OR7C2: variants seen among roughly 807,000 people sequenced by gnomAD.
OR7C2 encodes the protein olfactory receptor 7C2.
For synonymous variants in OR7C2, 160 were observed against 157.7 expected (o/e 1.01, Z -0.11); for missense variants, 374 against 387.4 (o/e 0.97, Z 0.29).
Position 14,941,713 on chromosome 19 carries a change from C to T in OR7C2, c.225C>T (p.Ser75=), listed in dbSNP as rs769126789. The change falls in exon 1 of 1, where the codon TCC becomes TCT. Residue 75 remains serine, a synonymous_variant. Transcript: ENST00000248072. ...NLSFADICFT[S]TTVPKMLVNI... ...CCTTTGCTGACATCTGTTTCACATC[C>T]ACGACTGTCCCAAAGATGCTGGTGA... The T allele has an allele frequency of 6.2e-7, 1 of 1,614,182 alleles. No homozygotes were observed. Among genetic ancestry groups the T allele is most frequent in the African/African-American group, 1.3e-5 (1 of 75,028 alleles).
At position 14,941,492 on chromosome 19, in the gene OR7C2, G is replaced by A; in HGVS notation, c.4G>A (p.Glu2Lys). ...TCTCGGCAAACCCAGCGGCCCCATG[G>A]AAAGAGGAAACCAAACAGAAGTTGG... M[E>K]RGNQTEVGNF... is the part of the protein sequence containing the mutation. Residue 2 changes from glutamate (E) to lysine (K), a missense_variant, in exon 1 of 1, where the codon GAA becomes AAA. By Grantham distance (56) the Glu-to-Lys change is moderately conservative. Transcript: ENST00000248072. The A allele has an allele frequency of 6.4e-7, 1 of 1,554,868 alleles. No individual in the cohort carries two copies. Among genetic ancestry groups the A allele is most frequent in the Non-Finnish European group, 8.7e-7 (1 of 1,150,760 alleles).
At position 14,942,368 on chromosome 19, in the gene OR7C2, A is replaced by C; in HGVS notation, c.880A>C (p.Lys294Gln). 6.2e-7 allele frequency: 1 copy of C among 1,614,130 alleles called. No individual in the cohort carries two copies. The highest frequency in any genetic ancestry group is 1.1e-5 in the South Asian group (1 of 91,074). The change falls in exon 1 of 1, where the codon AAG becomes CAG. Residue 294 changes from lysine to glutamine, a missense_variant. Lys to Gln is a moderately conservative substitution (Grantham distance 53, BLOSUM62 1). Transcript: ENST00000248072. ...LNPFIYSLRN[K>Q]DMKGSLGRLL... ...CCCCTTCATCTACAGCCTGAGGAAC[A>C]AGGACATGAAGGGGTCACTGGGGAG...
At position 14,941,960 on chromosome 19, in the gene OR7C2, C is replaced by T; in HGVS notation, c.472C>T (p.Leu158Phe). Residue 158 changes from leucine (L) to phenylalanine (F), a missense_variant, in exon 1 of 1, where the codon CTT (leucine) becomes TTT (phenylalanine). Leu to Phe is a conservative substitution (Grantham distance 22). Coordinates refer to ENST00000248072, the MANE Select transcript of OR7C2 (RefSeq NM_012377.1). ...GTGCATCAGTGTCATGGGTTCCTTG[C>T]TTGAGACCTTGACCATTTTGAGGCT... ...SWCISVMGSL[L>F]ETLTILRLSF... The T allele has an allele frequency of 3.1e-6, 5 of 1,614,110 alleles. No individual in the cohort carries two copies. The highest frequency in any genetic ancestry group is 4.2e-6 in the Non-Finnish European group (5 of 1,180,032).
chr19:14,942,101 G>T lies in OR7C2; in HGVS notation c.613G>T (p.Val205Phe). The T allele has an allele frequency of 6.2e-7, 1 of 1,614,054 alleles. No homozygotes were observed. The highest frequency in any genetic ancestry group is 8.5e-7 in the Non-Finnish European group (1 of 1,180,028). ...NNIVMYFVTIVLGVFPLCGIL... is the reference protein window; with the variant it reads ...NNIVMYFVTIFLGVFPLCGIL... ...CATCGTGATGTATTTTGTGACCATT[G>T]TCCTGGGTGTTTTTCCTCTCTGTGG... The change falls in exon 1 of 1, where the codon GTC (valine) becomes TTC (phenylalanine). Residue 205 changes from valine (V) to phenylalanine (F), a missense_variant. Coordinates refer to ENST00000248072, the MANE Select transcript of OR7C2 (RefSeq NM_012377.1).
chr19:14,941,952 G>C lies in OR7C2; in HGVS notation c.464G>C (p.Gly155Ala). 6.2e-7 allele frequency: 1 copy of C among 1,614,116 alleles called. No homozygotes were observed. Among genetic ancestry groups the C allele is most frequent in the Non-Finnish European group, 8.5e-7 (1 of 1,180,032 alleles). ...VLGSWCISVM[G>A]SLLETLTILR... ...GGGTCCTGGTGCATCAGTGTCATGG[G>C]TTCCTTGCTTGAGACCTTGACCATT... The change falls in exon 1 of 1, where the codon GGT (glycine) becomes GCT (alanine). Residue 155 changes from glycine to alanine, a missense_variant. Coordinates refer to ENST00000248072, the MANE Select transcript of OR7C2 (RefSeq NM_012377.1).
Position 14,941,890 on chromosome 19 carries a change from C to G in OR7C2, c.402C>G (p.Val134=). 6.2e-7 allele frequency: 1 copy of G among 1,614,172 alleles called. No homozygotes were observed. Among genetic ancestry groups the G allele is most frequent in the Non-Finnish European group, 8.5e-7 (1 of 1,180,040 alleles). Residue 134 remains valine, a synonymous_variant, in exon 1 of 1, where the codon GTC becomes GTG. Transcript: ENST00000248072. ...VAICYPLHYT[V]IMNPRLCGLL... is the part of the protein sequence containing the mutation. The stretch of plus-strand genomic sequence containing the variant: ...TCTGTTACCCCCTGCACTACACGGT[C>G]ATCATGAACCCCCGGCTCTGTGGAC...
chr19:14,942,197 T>C lies in OR7C2; in HGVS notation c.709T>C (p.Phe237Leu), dbSNP rs751924829. 6 of 1,613,246 alleles carry C rather than the reference T, an allele frequency of 3.7e-6. No individual in the cohort carries two copies. The highest frequency in any genetic ancestry group is 4.2e-6 in the Non-Finnish European group (5 of 1,179,760). The change falls in exon 1 of 1, where the codon TTT (phenylalanine) becomes CTT (leucine). Residue 237 changes from phenylalanine (F) to leucine (L), a missense_variant. Phe to Leu is a conservative substitution (Grantham distance 22). Coordinates refer to ENST00000248072, the MANE Select transcript of OR7C2 (RefSeq NM_012377.1). ...ATCTGCCAGAGGCCAGCACAAAGCCTTTTCCACCTGTGGTTCCCACCTCTC... is the reference window on the plus strand; with the variant it reads ...ATCTGCCAGAGGCCAGCACAAAGCCCTTTCCACCTGTGGTTCCCACCTCTC... ...RVSARGQHKA[F>L]STCGSHLSVV...
chr19:14,942,368 A>G lies in OR7C2; in HGVS notation c.880A>G (p.Lys294Glu). The G allele has an allele frequency of 3.1e-6, 5 of 1,614,130 alleles. No homozygotes were observed. Among genetic ancestry groups the G allele is most frequent in the Non-Finnish European group, 4.2e-6 (5 of 1,180,010 alleles). The change falls in exon 1 of 1, where the codon AAG (lysine) becomes GAG (glutamate). Residue 294 changes from lysine to glutamate, a missense_variant. By Grantham distance (56) the Lys-to-Glu change is moderately conservative. Transcript: ENST00000248072. ...CCCCTTCATCTACAGCCTGAGGAACAAGGACATGAAGGGGTCACTGGGGAG... is the reference window on the plus strand; with the variant it reads ...CCCCTTCATCTACAGCCTGAGGAACGAGGACATGAAGGGGTCACTGGGGAG... Reference protein sequence around the residue: ...LNPFIYSLRNKDMKGSLGRLL... With the variant: ...LNPFIYSLRNEDMKGSLGRLL...
At position 14,941,937 on chromosome 19, in the gene OR7C2, G is replaced by A. The variant is rs762609691; in HGVS notation, c.449G>A (p.Cys150Tyr). The A allele has an allele frequency of 1.2e-6, 2 of 1,614,086 alleles. No homozygotes were observed. The highest frequency in any genetic ancestry group is 2.2e-5 in the South Asian group (2 of 91,066). The change falls in exon 1 of 1, where the codon TGC becomes TAC. Residue 150 changes from cysteine (C) to tyrosine (Y), a missense_variant. Cys to Tyr is a radical substitution (Grantham distance 194). Coordinates refer to ENST00000248072, the MANE Select transcript of OR7C2 (RefSeq NM_012377.1). ...GGACTGCTGGTTCTGGGGTCCTGGTGCATCAGTGTCATGGGTTCCTTGCTT... is the reference window on the plus strand; with the variant it reads ...GGACTGCTGGTTCTGGGGTCCTGGTACATCAGTGTCATGGGTTCCTTGCTT... ...LCGLLVLGSWCISVMGSLLET... is the reference protein window; with the variant it reads ...LCGLLVLGSWYISVMGSLLET...
chr19:14,941,652 T>A lies in OR7C2; in HGVS notation c.164T>A (p.Leu55His). The A allele has an allele frequency of 6.2e-7, 1 of 1,614,092 alleles. No homozygotes were observed. The highest frequency in any genetic ancestry group is 8.5e-7 in the Non-Finnish European group (1 of 1,180,008). ...CTGACCATCAGTTCAGACTCCCACC[T>A]CCACACCCCCATGTACTTCTTCCTC... ...IILTISSDSH[L>H]HTPMYFFLSN... is the part of the protein sequence containing the mutation. The change falls in exon 1 of 1, where the codon CTC (leucine) becomes CAC (histidine). Residue 55 changes from leucine (L) to histidine (H), a missense_variant. Transcript: ENST00000248072.
At position 14,941,607 on chromosome 19, in the gene OR7C2, T is replaced by C. The variant is rs1476982778; in HGVS notation, c.119T>C (p.Ile40Thr). 1.9e-6 allele frequency: 3 copies of C among 1,614,136 alleles called. No individual in the cohort carries two copies. Among genetic ancestry groups the C allele is most frequent in the South Asian group, 2.2e-5 (2 of 91,082 alleles). The change falls in exon 1 of 1, where the codon ATC becomes ACC. Residue 40 changes from isoleucine (I) to threonine (T), a missense_variant. Physicochemically the swap from Ile to Thr is moderately conservative, Grantham distance 89 (BLOSUM62 -1). Transcript: ENST00000248072. ...LFLSMYLVTI[I>T]GNLLIILTIS... ...CTCTCCATGTACCTGGTTACCATCA[T>C]CGGAAACCTGCTCATCATCCTGACC...
In OR7C2 at chr19:14,942,200, TCCA is replaced by T. The variant is rs769240522; in HGVS notation, c.715_717del (p.Thr239del). On this transcript the variant is annotated inframe_deletion, in exon 1 of 1. Transcript: ENST00000248072. ...TGCCAGAGGCCAGCACAAAGCCTTT[TCCA>T]CCTGTGGTTCCCACCTCTCAGTGGT... 6.2e-7 allele frequency: 1 copy of T among 1,614,122 alleles called. No individual in the cohort carries two copies. The highest frequency in any genetic ancestry group is 8.5e-7 in the Non-Finnish European group (1 of 1,180,020).
Position 14,942,376 on chromosome 19 carries a change from G to T in OR7C2, c.888G>T (p.Met296Ile). Reference protein sequence around the residue: ...PFIYSLRNKDMKGSLGRLLLR... With the variant: ...PFIYSLRNKDIKGSLGRLLLR... ...TCTACAGCCTGAGGAACAAGGACAT[G>T]AAGGGGTCACTGGGGAGACTCCTCC... The change falls in exon 1 of 1, where the codon ATG becomes ATT. Residue 296 changes from methionine (M) to isoleucine (I), a missense_variant. Coordinates refer to ENST00000248072, the MANE Select transcript of OR7C2 (RefSeq NM_012377.1). The T allele has an allele frequency of 6.2e-7, 1 of 1,614,204 alleles. No homozygotes were observed. Among genetic ancestry groups the T allele is most frequent in the Non-Finnish European group, 8.5e-7 (1 of 1,180,038 alleles).
At position 14,941,846 on chromosome 19, in the gene OR7C2, T is replaced by A; in HGVS notation, c.358T>A (p.Tyr120Asn). The A allele has an allele frequency of 1.2e-6, 2 of 1,614,154 alleles. No individual in the cohort carries two copies. Among genetic ancestry groups the A allele is most frequent in the East Asian group, 2.2e-5 (1 of 44,886 alleles). ...CAATTTGCTCCTGACCATGACGGCC[T>A]ATGACCGCTTCGTGGCCATCTGTTA... ...LDNLLLTMTA[Y>N]DRFVAICYPL... is the part of the protein sequence containing the mutation. The change falls in exon 1 of 1, where the codon TAT becomes AAT. Residue 120 changes from tyrosine (Y) to asparagine (N), a missense_variant. By Grantham distance (143) the Tyr-to-Asn change is moderately radical (BLOSUM62 -2). Coordinates refer to ENST00000248072, the MANE Select transcript of OR7C2 (RefSeq NM_012377.1).
Position 14,942,148 on chromosome 19 carries a change from G to C in OR7C2, c.660G>C (p.Gln220His), listed in dbSNP as rs372176980. ...GTGGAATCCTATTCTCTTATTCTCA[G>C]ATTTTCTCCTCCGTCCTAAGAGTAT... Reference protein sequence around the residue: ...PLCGILFSYSQIFSSVLRVSA... With the variant: ...PLCGILFSYSHIFSSVLRVSA... Residue 220 changes from glutamine to histidine, a missense_variant, in exon 1 of 1, where the codon CAG (glutamine) becomes CAC (histidine). By Grantham distance (24) the Gln-to-His change is conservative. Transcript: ENST00000248072. The C allele has an allele frequency of 1.8e-5, 28 of 1,575,146 alleles. No homozygotes were observed. The highest frequency in any genetic ancestry group is 2.1e-5 in the Non-Finnish European group (25 of 1,167,596).
Position 14,942,253 on chromosome 19 carries a change from T to TG in OR7C2, c.769dup (p.Val257GlyfsTer12). 3 of 1,614,214 alleles carry TG rather than the reference T, an allele frequency of 1.9e-6. No individual in the cohort carries two copies. Among genetic ancestry groups the TG allele is most frequent in the Non-Finnish European group, 2.5e-6 (3 of 1,180,044 alleles). On this transcript the variant is annotated frameshift_variant, in exon 1 of 1. Coordinates refer to ENST00000248072, the MANE Select transcript of OR7C2 (RefSeq NM_012377.1). LOFTEE classifies it low-confidence loss of function (END_TRUNC). Reference sequence around the variant, plus strand: ...TCAGCTTGTTCTATGGCACTGGCCTTGGGGTCTATCTCAGTTCTGCAGTTA... The same window carrying TG: ...TCAGCTTGTTCTATGGCACTGGCCTTGGGGGTCTATCTCAGTTCTGCAGTTA...
chr19:14,942,275 G>T lies in OR7C2; in HGVS notation c.787G>T (p.Val263Phe), dbSNP rs746774184. The change falls in exon 1 of 1, where the codon GTT becomes TTT. Residue 263 changes from valine to phenylalanine, a missense_variant. Coordinates refer to ENST00000248072, the MANE Select transcript of OR7C2 (RefSeq NM_012377.1). ...TGLGVYLSSA[V>F]TPPSRTSLAA... is the part of the protein sequence containing the mutation. ...CCTTGGGGTCTATCTCAGTTCTGCA[G>T]TTACACCACCTTCTAGGACAAGTCT... The T allele has an allele frequency of 1.8e-5, 29 of 1,614,012 alleles. No homozygotes were observed. Among genetic ancestry groups the T allele is most frequent in the Non-Finnish European group, 8.5e-7 (1 of 1,180,046 alleles).
chr19:14,942,010 T>G lies in OR7C2; in HGVS notation c.522T>G (p.Ile174Met). 6.2e-7 allele frequency: 1 copy of G among 1,614,098 alleles called. No homozygotes were observed. The highest frequency in any genetic ancestry group is 2.2e-5 in the East Asian group (1 of 44,866). Reference sequence around the variant, plus strand: ...TGTCCTTCTGCACAAATATGGAAATTCCGCACTTTTTTTGTGATCCTTCCG... The same window carrying G: ...TGTCCTTCTGCACAAATATGGAAATGCCGCACTTTTTTTGTGATCCTTCCG... ...LRLSFCTNME[I>M]PHFFCDPSEV... Residue 174 changes from isoleucine (I) to methionine (M), a missense_variant, in exon 1 of 1, where the codon ATT becomes ATG. Transcript: ENST00000248072.
In OR7C2 at chr19:14,942,232, C is replaced by T; in HGVS notation, c.744C>T (p.Ser248=). 1 of 1,614,174 alleles carries T rather than the reference C, an allele frequency of 6.2e-7. No homozygotes were observed. The highest frequency in any genetic ancestry group is 8.5e-7 in the Non-Finnish European group (1 of 1,180,040). Residue 248 remains serine (S), a synonymous_variant, in exon 1 of 1, where the codon AGC becomes AGT. Transcript: ENST00000248072. ...GTGGTTCCCACCTCTCAGTGGTCAG[C>T]TTGTTCTATGGCACTGGCCTTGGGG... The part of the protein sequence containing the change: ...STCGSHLSVV[S]LFYGTGLGVY...
Sources: allele counts gnomAD v4.1 joint callset, GRCh38; gene constraint gnomAD v4.1.1; transcripts MANE v1.5; gene names NCBI Gene and HGNC (gene_info 2026-07-23, HGNC 2026-07-21).